PLCB1: variants seen among roughly 807,000 people sequenced by gnomAD.
PLCB1 encodes phospholipase C beta 1.
A neutral mutation model predicts 161.8 loss-of-function variants in PLCB1; 46 were observed. That is an observed-to-expected ratio of 0.28 (90% confidence interval 0.22 to 0.36). PLCB1 has a LOEUF of 0.36. Among genes scored for constraint, PLCB1 ranks in the 10% least tolerant of loss-of-function variants. The pLI, the probability that PLCB1 is intolerant of heterozygous loss-of-function variation, is 1.00. For synonymous variants in PLCB1, 517 were observed against 503.7 expected, an observed-to-expected ratio of 1.03 and a Z score of -0.35; for missense variants, 1,016 against 1,472.5, an observed-to-expected ratio of 0.69 and a Z score of 5.07.
chr20:8,512,272 CT>C (rs1983921276), intron 3 of PLCB1, among the ~76,000 whole-genome samples: 1 of 152,108 alleles, frequency 6.6e-6, no homozygotes, highest in Admixed American at 6.5e-5. Context: ...TGTAAACAAG[CT>C]TTAAATAAGG....
chr20:8,837,289 A>G (rs962760773), intron 31 of PLCB1, among the ~76,000 whole-genome samples: 3 of 152,194 alleles, frequency 2.0e-5, no homozygotes, highest in Non-Finnish European at 4.4e-5. Context: ...TGACGTACAA[A>G]GTGCAACTCA....
intron 31 of PLCB1, among the ~76,000 whole-genome samples, chr20:8,828,126 A>G (rs1985799038): frequency 6.6e-6 from 1 of 152,198 alleles, no homozygotes; most frequent in Non-Finnish European, 1.5e-5. Context: ...CCCAGATTTG[A>G]TGGCTGTGGG....
chr20:8,757,093 G>A lies in PLCB1; in HGVS notation c.2571G>A (p.Thr857=), dbSNP rs995077080. Residue 857 remains threonine (T), a synonymous_variant, in exon 24 of 32, where the codon ACG becomes ACA. Coordinates refer to ENST00000338037, the MANE Select transcript of PLCB1 (RefSeq NM_015192.4). ...TPSEAPSEAR[T]TPAENGVNHT... ...CAGAGGCTCCAAGTGAAGCGAGAAC[G>A]ACTCCAGCAGAAAATGGGGTGAATC... 11 of 1,613,198 alleles carry A rather than the reference G, an allele frequency of 6.8e-6. No individual in the cohort carries two copies. The highest frequency in any genetic ancestry group is 2.2e-5 in the South Asian group (2 of 90,966).
At chr20:8,175,582 C>T (rs539854765) in intron 2 of PLCB1, among the ~76,000 whole-genome samples, 2 of 152,098 alleles carry the variant, frequency 1.3e-5, no homozygotes, top group South Asian at 2.1e-4. Context: ...TAGGAAAACA[C>T]ATAGGAAAAT....
intron 3 of PLCB1, among the ~76,000 whole-genome samples, chr20:8,447,765 C>A (rs969526112): frequency 6.6e-6 from 1 of 152,184 alleles, no homozygotes; most frequent in African/African-American, 2.4e-5. Context: ...GCTGGATAAT[C>A]ACTATGCGGA....
chr20:8,427,188 C>T (rs1011135663), intron 3 of PLCB1, among the ~76,000 whole-genome samples: 7 of 151,968 alleles, frequency 4.6e-5, no homozygotes, highest in African/African-American at 9.7e-5. Flanking sequence ...TGAGATTACA[C>T]GCATGAGCCA....
At chr20:8,193,438 G>C (rs898072261) in intron 2 of PLCB1, among the ~76,000 whole-genome samples, 1 of 151,796 alleles carries the variant, frequency 6.6e-6, no homozygotes. Flanking sequence ...AAAAGAGGAG[G>C]AGGAGAAAGA....
chr20:8,343,743 G>A (rs1985897764), intron 2 of PLCB1, among the ~76,000 whole-genome samples: 1 of 152,098 alleles, frequency 6.6e-6, no homozygotes, highest in African/African-American at 2.4e-5. Context: ...AGCCCACCCA[G>A]TTCACATGCC....
intron 3 of PLCB1, among the ~76,000 whole-genome samples, chr20:8,470,086 C>A (rs546137070): frequency 8.5e-5 from 13 of 152,150 alleles, no homozygotes; most frequent in Admixed American, 7.9e-4. Flanking sequence ...GAGATCCATC[C>A]GTGTAAAATG....
chr20:8,875,397 T>C (rs1441094133), intron 31 of PLCB1, among the ~76,000 whole-genome samples: 1 of 148,098 alleles, frequency 6.8e-6, no homozygotes, highest in African/African-American at 2.4e-5. Context: ...AAGTGGTATA[T>C]ATACTATACG....
chr20:8,713,097 C>T (rs977221956), intron 12 of PLCB1, among the ~76,000 whole-genome samples: 1 of 152,142 alleles, frequency 6.6e-6, no homozygotes, highest in Non-Finnish European at 1.5e-5. Context: ...CATGAATAGC[C>T]TGATTACCAA....
intron 9 of PLCB1, among the ~76,000 whole-genome samples, chr20:8,679,115 G>A (rs552038295): frequency 1.3e-4 from 20 of 152,262 alleles, no homozygotes; most frequent in African/African-American, 4.6e-4. Context: ...CAGTAAAAAC[G>A]TGTTCATTGG....
intron 2 of PLCB1, among the ~76,000 whole-genome samples, chr20:8,181,657 A>G (rs2051844780): frequency 1.3e-5 from 2 of 152,224 alleles, no homozygotes; most frequent in South Asian, 4.2e-4. Flanking sequence ...CTGTTCAGGA[A>G]TCTAATGCCT....
intron 4 of PLCB1, among the ~76,000 whole-genome samples, chr20:8,638,097 T>C (rs1568540417): frequency 1.3e-5 from 2 of 152,192 alleles, no homozygotes; most frequent in African/African-American, 4.8e-5. Flanking sequence ...GGTTTCACCA[T>C]GTTAGCCAAG....
At position 8,811,232 on chromosome 20, in the gene PLCB1, A is replaced by G. The variant is rs929059919; in HGVS notation, c.3423+20971A>G. On this transcript the variant is annotated intron_variant, in intron 31 of 31. Transcript: ENST00000338037. ...CAGCCAAAAGGTGGGGAAGGGAACC[A>G]GGTAAGAGTGGATTAAACAGGAGAC... Among the ~76,000 whole-genome samples, 7 of 152,304 alleles carry G rather than the reference A, an allele frequency of 4.6e-5. No homozygotes were observed. The East Asian group carries it at 1.3e-3, about 29-fold the overall frequency.
At chr20:8,567,840 A>C (rs1257852337) in intron 3 of PLCB1, among the ~76,000 whole-genome samples, 1 of 152,196 alleles carries the variant, frequency 6.6e-6, no homozygotes, top group Non-Finnish European at 1.5e-5. Context: ...AAGTTGTTAA[A>C]AATTTTTAAA....
intron 2 of PLCB1, among the ~76,000 whole-genome samples, chr20:8,329,047 A>G (rs1225839253): frequency 6.6e-6 from 1 of 152,220 alleles, no homozygotes; most frequent in African/African-American, 2.4e-5. Context: ...ACTAATTACT[A>G]TGACTCAATT....
At chr20:8,156,076 C>T (rs1485497483) in intron 2 of PLCB1, among the ~76,000 whole-genome samples, 1 of 152,196 alleles carries the variant, frequency 6.6e-6, no homozygotes, top group African/African-American at 2.4e-5. Flanking sequence ...CTCTTCCTCA[C>T]CACTCCTGAG....
intron 15 of PLCB1, among the ~76,000 whole-genome samples, chr20:8,722,893 C>T (rs191336590): frequency 4.6e-4 from 70 of 152,270 alleles, no homozygotes; most frequent in African/African-American, 1.6e-3. Context: ...GTGGTGTACA[C>T]CTGTAGTTCC....
Sources: gnomAD v4.1 joint callset for allele counts (sites outside exome capture counted in the v4.1 genomes callset) on GRCh38, gnomAD v4.1.1 for gene constraint, MANE v1.5 for transcripts, NCBI Gene and HGNC (gene_info 2026-07-23, HGNC 2026-07-21) for gene names.